The following PLCG2 variants were observed in gnomAD, a reference collection of about 807,000 sequenced individuals.
PLCG2 encodes the protein phospholipase C gamma 2, also known as 1-phosphatidylinositol 4,5-bisphosphate phosphodiesterase gamma-2.
In PLCG2, 69 loss-of-function variants were observed where a neutral mutation model predicts 175.6. The ratio of observed to expected loss-of-function variants is 0.39; its 90% CI spans 0.32 to 0.48. The LOEUF is 0.48. Ranked by LOEUF, PLCG2 falls within the 20% of genes least tolerant of loss-of-function variation. The pLI is 0.91. For synonymous variants in PLCG2, 827 were observed against 624.0 expected, an observed-to-expected ratio of 1.33 and a Z score of -4.85; for missense variants, 1,798 against 1,650.9, an observed-to-expected ratio of 1.09 and a Z score of -1.54.
At chr16:81,886,626 A>G (rs1908380108) in intron 9 of PLCG2, among the ~76,000 whole-genome samples, 1 of 152,162 alleles carries the variant, frequency 6.6e-6, no homozygotes, top group Non-Finnish European at 1.5e-5. Flanking sequence ...GGGTGATGGG[A>G]TAGGAAGGGG....
At chr16:81,826,199 G>C (rs1367461770) in intron 2 of PLCG2, among the ~76,000 whole-genome samples, 1 of 152,104 alleles carries the variant, frequency 6.6e-6, no homozygotes, top group African/African-American at 2.4e-5. Context: ...CGGCCCCTTT[G>C]CCACCTTCAT....
rs757338403 is a variant in PLCG2, at chr16:81,937,752, T to C, written c.3053-6T>C. The C allele has an allele frequency of 3.1e-6, 5 of 1,612,626 alleles. No homozygotes were observed. The highest frequency in any genetic ancestry group is 4.2e-6 in the Non-Finnish European group (5 of 1,179,198). On this transcript the variant is annotated splice_polypyrimidine_tract_variant and splice_region_variant and intron_variant, in intron 27 of 32. Transcript: ENST00000564138. ...ACTTACAGCAGGCGTTCACTTTCCT[T>C]CCCAGATAAGTACATGCAGATGAAT...
chr16:81,753,342 GT>G (rs34438350), intron 1 of PLCG2, among the ~76,000 whole-genome samples: 31,785 of 93,074 alleles, frequency 0.34, 2,865 homozygotes, highest in Admixed American at 0.41. Context: ...GTCCTGGCAG[GT>G]TTTTTTTTTT....
intron 5 of PLCG2, among the ~76,000 whole-genome samples, chr16:81,865,924 C>G (rs553409812): frequency 7.7e-6 from 1 of 129,352 alleles, no homozygotes; most frequent in Non-Finnish European, 1.6e-5. Flanking sequence ...CACTGGGGCA[C>G]CAGCATGAGA....
intron 22 of PLCG2, among the ~76,000 whole-genome samples, chr16:81,925,329 T>G (rs1910218625): frequency 1.3e-5 from 2 of 152,090 alleles, no homozygotes. Flanking sequence ...AAACAATTAT[T>G]GTCTGAACCA....
At chr16:81,821,845 CAAAT>C (rs1344295727) in intron 2 of PLCG2, among the ~76,000 whole-genome samples, 1 of 151,862 alleles carries the variant, frequency 6.6e-6, no homozygotes, top group Admixed American at 6.6e-5. Context: ...CCTCCCCTCT[CAAAT>C]AATCTCAGAC....
intron 2 of PLCG2, among the ~76,000 whole-genome samples, chr16:81,846,533 A>C (rs1906128335): frequency 6.6e-6 from 1 of 152,202 alleles, no homozygotes. Flanking sequence ...TATAGCATTT[A>C]TTTTTATCCT....
intron 31 of PLCG2, among the ~76,000 whole-genome samples, chr16:81,948,376 T>C (rs1035714513): frequency 6.6e-6 from 1 of 152,028 alleles, no homozygotes; most frequent in Non-Finnish European, 1.5e-5. Flanking sequence ...ATGGGCAAAC[T>C]GGCCATTTCT....
At position 81,875,524 on chromosome 16, in the gene PLCG2, C is replaced by T. The variant is rs532327189; in HGVS notation, c.648+4589C>T. Reference sequence around the variant, plus strand: ...AAGCATATAGAAGTAGAGAGAATAGCGTAACAGACCCCCATGTATCATCAG... The same window carrying T: ...AAGCATATAGAAGTAGAGAGAATAGTGTAACAGACCCCCATGTATCATCAG... On this transcript the variant is annotated intron_variant, in intron 7 of 32. Transcript: ENST00000564138. Among the ~76,000 whole-genome samples, 6 of 152,254 alleles carry T rather than the reference C, an allele frequency of 3.9e-5. No individual in the cohort carries two copies. The South Asian group carries it at 8.3e-4, about 21-fold the overall frequency.
chr16:81,788,405 C>A (rs543584798), intron 2 of PLCG2, among the ~76,000 whole-genome samples: 47 of 152,222 alleles, frequency 3.1e-4, no homozygotes, highest in Middle Eastern at 3.4e-3. Flanking sequence ...CTCAGCCTCC[C>A]GAGTAGCTGG....
chr16:81,879,647 T>A (rs1281698043), intron 7 of PLCG2, among the ~76,000 whole-genome samples: 3 of 152,172 alleles, frequency 2.0e-5, no homozygotes, highest in Non-Finnish European at 1.5e-5. Context: ...TTAGCATTGA[T>A]CATGTGATAG....
At chr16:81,934,975 C>T (rs184225611) in intron 26 of PLCG2, among the ~76,000 whole-genome samples, 24 of 152,000 alleles carry the variant, frequency 1.6e-4, no homozygotes, top group Admixed American at 1.4e-3. Flanking sequence ...TCCCATAACA[C>T]GTGGGAATTA....
At chr16:81,931,376 C>A in intron 24 of PLCG2, 121 bp from the exon 25 acceptor site, 1 of 876,178 alleles carries the variant, frequency 1.1e-6, no homozygotes, top group Non-Finnish European at 1.8e-6. Flanking sequence ...CCCATCAGTG[C>A]TAACCGTGGT....
chr16:81,904,055 C>T (rs536727452), intron 14 of PLCG2, among the ~76,000 whole-genome samples: 1 of 152,276 alleles, frequency 6.6e-6, no homozygotes, highest in African/African-American at 2.4e-5. Flanking sequence ...CATTGAGATT[C>T]AGAGGTTAAA....
rs1911704815 is a variant in PLCG2 at position 81,959,558 on chromosome 16, T to C, written c.*1560T>C. Reference sequence around the variant, plus strand: ...GCCAGGAACACAGGGAACAGCAGTCTGGCCAAGGAAGGGCTGTTATCTGGT... The same window carrying C: ...GCCAGGAACACAGGGAACAGCAGTCCGGCCAAGGAAGGGCTGTTATCTGGT... On this transcript the variant is annotated 3_prime_UTR_variant, in exon 33 of 33. Coordinates refer to ENST00000564138, the MANE Select transcript of PLCG2 (RefSeq NM_002661.5). 1 of 204,622 alleles carries C rather than the reference T, an allele frequency of 4.9e-6. No individual in the cohort carries two copies. Among genetic ancestry groups the C allele is most frequent in the East Asian group, 7.4e-5 (1 of 13,462 alleles). The allele number at this position is 204,622 out of a possible 1,614,324, so 12.7% of individuals were successfully genotyped here.
At chr16:81,782,858 A>G (rs761017663) in intron 1 of PLCG2, among the ~76,000 whole-genome samples, 1 of 152,214 alleles carries the variant, frequency 6.6e-6, no homozygotes, top group Non-Finnish European at 1.5e-5. Flanking sequence ...CTGCAGCATC[A>G]GAGGGGATAC....
At chr16:81,881,483 A>G (rs1461446243) in intron 8 of PLCG2, among the ~76,000 whole-genome samples, 1 of 152,150 alleles carries the variant, frequency 6.6e-6, no homozygotes, top group Non-Finnish European at 1.5e-5. Context: ...CTGAGATGTT[A>G]TGTGTTTCCC....
chr16:81,800,960 C>G (rs1911692513), intron 2 of PLCG2, among the ~76,000 whole-genome samples: 1 of 152,002 alleles, frequency 6.6e-6, no homozygotes, highest in African/African-American at 2.4e-5. Context: ...GAGGAAGGGG[C>G]CATGAATCAA....
chr16:81,886,453 A>G (rs1397208953), intron 9 of PLCG2, among the ~76,000 whole-genome samples: 5 of 152,250 alleles, frequency 3.3e-5, no homozygotes, highest in Non-Finnish European at 5.9e-5. Context: ...ATGAAAAGAA[A>G]GCTTTACAAC....
Sources: allele counts gnomAD v4.1 joint callset (sites outside exome capture counted in the v4.1 genomes callset), GRCh38; gene constraint gnomAD v4.1.1; transcripts MANE v1.5; gene names NCBI Gene and HGNC (gene_info 2026-07-23, HGNC 2026-07-21).